The following GLMN variants were observed in gnomAD, a reference collection of about 807,000 sequenced individuals.
GLMN encodes glomulin.
A neutral mutation model predicts 87.8 loss-of-function variants in GLMN; 75 were observed. The ratio of observed to expected loss-of-function variants is 0.85; its 90% CI spans 0.71 to 1.04. The LOEUF (loss-of-function observed/expected upper bound fraction) is 1.04. GLMN is among the 50% of genes least tolerant of loss of function. GLMN has a pLI of 0.00. For missense variants in GLMN, 588 were observed against 658.8 expected, an observed-to-expected ratio of 0.89 and a Z score of 1.18; for synonymous variants, 206 against 221.6, an observed-to-expected ratio of 0.93 and a Z score of 0.63.
the GLMN span, among the ~76,000 whole-genome samples, chr1:92,357,977 G>A: frequency 1.1e-4 from 16 of 152,252 alleles, no homozygotes; most frequent in South Asian, 4.1e-4. Flanking sequence ...CCTAGGCTGC[G>A]GTGCAGTGGC....
At chr1:92,249,777 C>T (rs906050412) in intron 16 of GLMN, among the ~76,000 whole-genome samples, 1 of 152,128 alleles carries the variant, frequency 6.6e-6, no homozygotes, top group African/African-American at 2.4e-5. Context: ...TACATTTCCT[C>T]CTCCCATGCT....
intron 16 of GLMN, among the ~76,000 whole-genome samples, chr1:92,254,841 A>C (rs929972754): frequency 2.0e-5 from 3 of 152,264 alleles, no homozygotes; most frequent in Non-Finnish European, 4.4e-5. Context: ...CACTATGAAG[A>C]AACTGCATAA....
the GLMN span, among the ~76,000 whole-genome samples, chr1:92,310,771 C>G: frequency 6.6e-6 from 1 of 152,018 alleles, no homozygotes; most frequent in African/African-American, 2.4e-5. Context: ...CTGGAACATG[C>G]CTGTAGCCCC....
intron 16 of GLMN, among the ~76,000 whole-genome samples, chr1:92,255,731 C>T (rs995797954): frequency 6.6e-6 from 1 of 152,304 alleles, no homozygotes; most frequent in Non-Finnish European, 1.5e-5. Flanking sequence ...AAAGACACAA[C>T]ATACCAGAAT....
the GLMN span, among the ~76,000 whole-genome samples, chr1:92,321,214 G>A: frequency 1.3e-5 from 2 of 152,146 alleles, no homozygotes; most frequent in Non-Finnish European, 2.9e-5. Context: ...ATTTATTGAT[G>A]TATATCTTTA....
At chr1:92,303,388 T>C (rs1034632422), upstream of GLMN, among the ~76,000 whole-genome samples, 2 of 152,206 alleles carry the variant, frequency 1.3e-5, no homozygotes, top group Non-Finnish European at 2.9e-5. Flanking sequence ...CTCAAAGTTA[T>C]GAACAAGAAT....
intron 17 of GLMN, among the ~76,000 whole-genome samples, 199 bp from the exon 18 acceptor site, chr1:92,247,343 GCTT>G (rs1652825344): frequency 6.6e-6 from 1 of 152,092 alleles, no homozygotes; most frequent in Non-Finnish European, 1.5e-5. Context: ...GTAAATTAAT[GCTT>G]CTTTAGATAA....
At chr1:92,299,288 A>G, upstream of GLMN, 1 of 452,552 alleles carries the variant, frequency 2.2e-6, no homozygotes, top group Non-Finnish European at 4.0e-6. Flanking sequence ...AAAGCTTCCC[A>G]CCGCCGTCCG....
At chr1:92,285,763 A>T (rs2101015033) in intron 7 of GLMN, among the ~76,000 whole-genome samples, 1 of 152,372 alleles carries the variant, frequency 6.6e-6, no homozygotes, top group South Asian at 2.1e-4. Flanking sequence ...TGGCTGAAGA[A>T]AACTACACAG....
the GLMN span, chr1:92,323,916 A>T: frequency 6.2e-7 from 1 of 1,614,200 alleles, no homozygotes; most frequent in Non-Finnish European, 8.5e-7. Flanking sequence ...TAAGTAAGAA[A>T]AGTGCAGAGC....
At chr1:92,335,387 A>C in the GLMN span, among the ~76,000 whole-genome samples, 1 of 152,176 alleles carries the variant, frequency 6.6e-6, no homozygotes, top group South Asian at 2.1e-4. Flanking sequence ...TCTTAAAAAG[A>C]AGCTTAAAAA....
the GLMN span, chr1:92,336,291 A>C: frequency 8.8e-6 from 11 of 1,254,342 alleles, no homozygotes; most frequent in African/African-American, 6.1e-5. Context: ...GGCATGACCC[A>C]AAAAAAGTTT....
the GLMN span, chr1:92,324,215 A>G: frequency 6.2e-7 from 1 of 1,614,142 alleles, no homozygotes; most frequent in Non-Finnish European, 8.5e-7. Context: ...AGCTTGGATG[A>G]GTCTTTACCT....
chr1:92,271,526 A>G lies in GLMN; in HGVS notation c.862T>C (p.Ser288Pro). Residue 288 changes from serine (S) to proline (P), a missense_variant, in exon 8 of 19, where the codon TCT (serine) becomes CCT (proline). Transcript: ENST00000370360. Reference protein sequence around the residue: ...ENKQLADSMASLAYLVFVQGI... With the variant: ...ENKQLADSMAPLAYLVFVQGI... ...TGTACAAATACTAGATATGCCAGAG[A>G]AGCCATTGAGTCTGCTAACTGTTTA... 6.2e-7 allele frequency: 1 copy of G among 1,612,846 alleles called. No individual in the cohort carries two copies. Among genetic ancestry groups the G allele is most frequent in the African/African-American group, 1.3e-5 (1 of 74,960 alleles).
the GLMN span, among the ~76,000 whole-genome samples, chr1:92,359,927 C>T: frequency 6.6e-6 from 1 of 152,176 alleles, no homozygotes; most frequent in Admixed American, 6.5e-5. Flanking sequence ...GAAACAGACA[C>T]TTTGAGCACC....
intron 3 of GLMN, among the ~76,000 whole-genome samples, chr1:92,293,359 G>A (rs1313319282): frequency 6.6e-6 from 1 of 152,122 alleles, no homozygotes; most frequent in Non-Finnish European, 1.5e-5. Flanking sequence ...GTCGCGACAT[G>A]TATTGTCGCG....
intron 7 of GLMN, among the ~76,000 whole-genome samples, chr1:92,283,221 A>C (rs1160411514): frequency 1.3e-5 from 2 of 152,172 alleles, no homozygotes; most frequent in Non-Finnish European, 2.9e-5. Context: ...CGATGAGAAA[A>C]TCCTCAATAA....
intron 16 of GLMN, among the ~76,000 whole-genome samples, chr1:92,250,200 T>C (rs911763790): frequency 7.9e-5 from 12 of 152,098 alleles, no homozygotes; most frequent in Admixed American, 2.0e-4. Context: ...ATATTTACTT[T>C]TAAAAAATAA....
At chr1:92,334,907 G>A in the GLMN span, among the ~76,000 whole-genome samples, 23 of 152,190 alleles carry the variant, frequency 1.5e-4, no homozygotes, top group Admixed American at 1.4e-3. Context: ...AGAATGGCCC[G>A]AACCCAGGAG....
Sources: allele counts gnomAD v4.1 joint callset (sites outside exome capture counted in the v4.1 genomes callset), GRCh38; gene constraint gnomAD v4.1.1; transcripts MANE v1.5; gene names NCBI Gene and HGNC (gene_info 2026-07-23, HGNC 2026-07-21).